The following PLPPR2 variants were observed in gnomAD, a reference collection of about 807,000 sequenced individuals.
PLPPR2 encodes phospholipid phosphatase-related protein type 2.
In PLPPR2, 11 loss-of-function variants were observed where a neutral mutation model predicts 40.3. The observed-to-expected ratio is 0.27, with a 90% CI of 0.17 to 0.45. PLPPR2 has a LOEUF of 0.45. Among genes scored for constraint, PLPPR2 ranks in the 20% least tolerant of loss-of-function variants. The pLI, the probability that PLPPR2 is intolerant of heterozygous loss-of-function variation, is 1.00. For missense variants in PLPPR2, 497 were observed against 640.7 expected (o/e 0.78, Z 2.42); for synonymous variants, 260 against 290.8 (o/e 0.89, Z 1.08).
Position 11,361,736 on chromosome 19 carries a change from T to C in PLPPR2, c.663+248T>C, listed in dbSNP as rs1278001371. 6.6e-6 allele frequency among the ~76,000 whole-genome samples: 1 copy of C among 151,806 alleles called. No individual in the cohort carries two copies. Among genetic ancestry groups the C allele is most frequent in the Non-Finnish European group, 1.5e-5 (1 of 67,914 alleles). ...CCTCTGGCCACGCCTCCTGAGCCAG[T>C]AATGCGAGGGAAACTGTTGGCTCTA... is the stretch of plus-strand genomic sequence containing the variant. On this transcript the variant is annotated intron_variant, in intron 6 of 9. Transcript: ENST00000688289. The surrounding 1 kb of genome is among the most constrained non-coding windows in gnomAD (Gnocchi z 6.3).
chr19:11,360,020 A>G, intron 5 of PLPPR2, 64 bp downstream of exon 5: 1 of 1,514,434 alleles, frequency 6.6e-7, no homozygotes, highest in Non-Finnish European at 8.8e-7. Context: ...AGAAGAAAAG[A>G]GTCATGGGCC....
rs535048482 is a variant in PLPPR2, at chr19:11,364,742, G to A, written c.*52G>A. ...CCAGTCCCCACTTCTTCCCTGCCAC[G>A]CGTGTGTGTGCGTGTGCCACGTGAG... On this transcript the variant is annotated 3_prime_UTR_variant, in exon 10 of 10. Coordinates refer to ENST00000688289, the MANE Select transcript of PLPPR2 (RefSeq NM_001393892.1). The surrounding 1 kb of genome is among the most constrained non-coding windows in gnomAD (Gnocchi z 5.8). 13 of 1,527,054 alleles carry A rather than the reference G, an allele frequency of 8.5e-6. No homozygotes were observed. The East Asian group carries it at 2.2e-4, about 26-fold the overall frequency. The allele number at this position is 1,527,054 out of a possible 1,614,324, so 94.6% of individuals were successfully genotyped here.
rs762282938 is a variant in PLPPR2, at chr19:11,362,730, A to C, written c.840+41A>C. 6.3e-7 allele frequency: 1 copy of C among 1,585,346 alleles called. No individual in the cohort carries two copies. Among genetic ancestry groups the C allele is most frequent in the Admixed American group, 1.7e-5 (1 of 58,852 alleles). ...AACCTTCCCAGCATGGAAGACCCTCACCAGCTCTCTGACCCAAGAGGCAGG... is the reference window on the plus strand; with the variant it reads ...AACCTTCCCAGCATGGAAGACCCTCCCCAGCTCTCTGACCCAAGAGGCAGG... On this transcript the variant is annotated intron_variant, in intron 7 of 9. Transcript: ENST00000688289. The surrounding 1 kb of genome is among the most constrained non-coding windows in gnomAD (Gnocchi z 5.3).
chr19:11,359,898 C>T lies in PLPPR2; in HGVS notation c.333C>T (p.Ile111=), dbSNP rs772011000. ...TCCCAGTCATCGGGGAGAGCACCAT[C>T]GTGTCTGGGGCCTGCTGCCGCTTCA... is the stretch of plus-strand genomic sequence containing the variant. ...SAVPVIGEST[I]VSGACCRFSP... Residue 111 remains isoleucine (I), a synonymous_variant, in exon 5 of 10, where the codon ATC becomes ATT. Coordinates refer to ENST00000688289, the MANE Select transcript of PLPPR2 (RefSeq NM_001393892.1). The surrounding 1 kb of genome is among the most constrained non-coding windows in gnomAD (Gnocchi z 5.6). The T allele has an allele frequency of 8.1e-6, 13 of 1,613,700 alleles. No individual in the cohort carries two copies. Among genetic ancestry groups the T allele is most frequent in the South Asian group, 7.7e-5 (7 of 91,040 alleles).
Position 11,357,649 on chromosome 19 carries a change from C to A in PLPPR2, c.-14-11C>A. 1 of 1,589,246 alleles carries A rather than the reference C, an allele frequency of 6.3e-7. No individual in the cohort carries two copies. The highest frequency in any genetic ancestry group is 8.6e-7 in the Non-Finnish European group (1 of 1,167,324). ...CCCCCTGGGACTCCCACTCCCTCCC[C>A]ACCTCTGCAGGCCTGGCCTTCACCA... On this transcript the variant is annotated splice_polypyrimidine_tract_variant and intron_variant, in intron 2 of 9. Transcript: ENST00000688289.
chr19:11,364,760 C>T lies in PLPPR2; in HGVS notation c.*70C>T, dbSNP rs1020273297. 3 of 1,508,426 alleles carry T rather than the reference C, an allele frequency of 2.0e-6. No individual in the cohort carries two copies. Among genetic ancestry groups the T allele is most frequent in the Non-Finnish European group, 2.7e-6 (3 of 1,125,044 alleles). The allele number at this position is 1,508,426 out of a possible 1,614,324, so 93.4% of individuals were successfully genotyped here. ...CTGCCACGCGTGTGTGTGCGTGTGC[C>T]ACGTGAGTGCCAAAGTCCCCTGCCC... On this transcript the variant is annotated 3_prime_UTR_variant, in exon 10 of 10. Transcript: ENST00000688289. The surrounding 1 kb of genome is among the most constrained non-coding windows in gnomAD (Gnocchi z 5.8).
chr19:11,357,888 G>C, intron 3 of PLPPR2, 149 bp downstream of exon 3: 1 of 612,504 alleles, frequency 1.6e-6, no homozygotes, highest in Non-Finnish European at 2.7e-6. Context: ...CTTAGATTCA[G>C]AAGTGCCACT....
Position 11,362,847 on chromosome 19 carries a change from A to T in PLPPR2, c.840+158A>T, listed in dbSNP as rs889736355. ...TGGATATTCTCATCTGTGAAATGAG[A>T]TACCAGGATCAGGGTGAGGCAAGGC... is the stretch of plus-strand genomic sequence containing the variant. On this transcript the variant is annotated intron_variant, in intron 7 of 9. Coordinates refer to ENST00000688289, the MANE Select transcript of PLPPR2 (RefSeq NM_001393892.1). The surrounding 1 kb of genome is among the most constrained non-coding windows in gnomAD (Gnocchi z 5.3). Among the ~76,000 whole-genome samples, 1 of 152,238 alleles carries T rather than the reference A, an allele frequency of 6.6e-6. No individual in the cohort carries two copies. The highest frequency in any genetic ancestry group is 2.4e-5 in the African/African-American group (1 of 41,472).
chr19:11,357,388 C>T (rs371300424), intron 2 of PLPPR2, among the ~76,000 whole-genome samples: 7 of 152,140 alleles, frequency 4.6e-5, no homozygotes, highest in African/African-American at 1.4e-4. Context: ...TCAGAGCCTC[C>T]CATGTAGGCT....
In PLPPR2 at chr19:11,364,131, T is replaced by C. The variant is rs752746819; in HGVS notation, c.964-30T>C. 1.4e-5 allele frequency: 23 copies of C among 1,599,966 alleles called. No homozygotes were observed. The East Asian group carries it at 4.9e-4, about 34-fold the overall frequency. On this transcript the variant is annotated intron_variant, in intron 8 of 9. Coordinates refer to ENST00000688289, the MANE Select transcript of PLPPR2 (RefSeq NM_001393892.1). This position sits in a 1 kb window ranked among gnomAD's most constrained non-coding sequence, Gnocchi z 5.8. ...TGGCCGGTAGGGCCCAGGGGGCCAC[T>C]AGCCCCTTCCGTCTGTCTCTTTGTC...
intron 1 of PLPPR2, among the ~76,000 whole-genome samples, chr19:11,356,238 A>AGT (rs986443821): frequency 3.6e-4 from 54 of 150,420 alleles, no homozygotes; most frequent in Admixed American, 3.5e-3. Context: ...AGAGACTGTT[A>AGT]GTGTGTGTGT....
In PLPPR2 at chr19:11,363,881, G is replaced by A; in HGVS notation, c.963+46G>A. 6.3e-7 allele frequency: 1 copy of A among 1,589,366 alleles called. No homozygotes were observed. Among genetic ancestry groups the A allele is most frequent in the Non-Finnish European group, 8.6e-7 (1 of 1,166,406 alleles). On this transcript the variant is annotated intron_variant, in intron 8 of 9. Coordinates refer to ENST00000688289, the MANE Select transcript of PLPPR2 (RefSeq NM_001393892.1). The surrounding 1 kb of genome is among the most constrained non-coding windows in gnomAD (Gnocchi z 4.8). ...CTCCCGGCTGGAGAGGGTGGTGGGT[G>A]GAGGGGGCCAAGGAGACAGGAAGGA...
At position 11,362,366 on chromosome 19, in the gene PLPPR2, TGGGAGCCCATGACTCCAACCCTGG is replaced by T; in HGVS notation, c.664-146_664-123del. The T allele has an allele frequency of 1.4e-6, 1 of 709,482 alleles. No homozygotes were observed. The highest frequency in any genetic ancestry group is 2.2e-6 in the Non-Finnish European group (1 of 456,120). The allele number at this position is 709,482 out of a possible 1,614,324, so 43.9% of individuals were successfully genotyped here. On this transcript the variant is annotated intron_variant, in intron 6 of 9. Coordinates refer to ENST00000688289, the MANE Select transcript of PLPPR2 (RefSeq NM_001393892.1). This position sits in a 1 kb window ranked among gnomAD's most constrained non-coding sequence, Gnocchi z 5.3. The stretch of plus-strand genomic sequence containing the variant: ...GGTCACGCTCCCTGGAAAAGCCCAC[TGGGAGCCCATGACTCCAACCCTGG>T]AGCCCCTGGCCACTCCCTCCAGCCC...
At position 11,362,717 on chromosome 19, in the gene PLPPR2, A is replaced by C; in HGVS notation, c.840+28A>C. ...GAGTTGCCTCCTCAACCTTCCCAGC[A>C]TGGAAGACCCTCACCAGCTCTCTGA... On this transcript the variant is annotated intron_variant, in intron 7 of 9. Coordinates refer to ENST00000688289, the MANE Select transcript of PLPPR2 (RefSeq NM_001393892.1). This position sits in a 1 kb window ranked among gnomAD's most constrained non-coding sequence, Gnocchi z 5.3. 6.3e-7 allele frequency: 1 copy of C among 1,598,166 alleles called. No individual in the cohort carries two copies. The highest frequency in any genetic ancestry group is 1.3e-5 in the African/African-American group (1 of 74,914).
In PLPPR2 at chr19:11,359,459, C is replaced by T; in HGVS notation, c.67-73C>T. ...TTTCTCCATCTCTGTATCTCTGCCT[C>T]TGTGGCCTCAGCTGGAGTCCTGACC... On this transcript the variant is annotated intron_variant, in intron 3 of 9. Coordinates refer to ENST00000688289, the MANE Select transcript of PLPPR2 (RefSeq NM_001393892.1). The surrounding 1 kb of genome is among the most constrained non-coding windows in gnomAD (Gnocchi z 5.6). 2 of 1,390,838 alleles carry T rather than the reference C, an allele frequency of 1.4e-6. No individual in the cohort carries two copies. The highest frequency in any genetic ancestry group is 1.9e-6 in the Non-Finnish European group (2 of 1,041,364). 86.2% of individuals were successfully genotyped at this position (1,390,838 alleles called of 1,614,324 possible).
In PLPPR2 at chr19:11,363,354, G is replaced by A. The variant is rs1048120994; in HGVS notation, c.841-359G>A. Among the ~76,000 whole-genome samples the A allele has an allele frequency of 6.6e-6, 1 of 152,072 alleles. No homozygotes were observed. The highest frequency in any genetic ancestry group is 2.4e-5 in the African/African-American group (1 of 41,404). ...GGTCCCAGCTACTCAGGAGGCTGAG[G>A]CAAGAGAGTTGCTTGAATCCAGGAG... is the stretch of plus-strand genomic sequence containing the variant. On this transcript the variant is annotated intron_variant, in intron 7 of 9. Coordinates refer to ENST00000688289, the MANE Select transcript of PLPPR2 (RefSeq NM_001393892.1). This position sits in a 1 kb window ranked among gnomAD's most constrained non-coding sequence, Gnocchi z 4.8.
At chr19:11,360,849 G>A (rs375232227) in intron 5 of PLPPR2, among the ~76,000 whole-genome samples, 1 of 152,130 alleles carries the variant, frequency 6.6e-6, no homozygotes. Flanking sequence ...CAGTTTAGGG[G>A]CAGGCAGGAA....
In PLPPR2 at chr19:11,361,464, C is replaced by A. The variant is rs1366791038; in HGVS notation, c.639C>A (p.Cys213Ter). Residue 213 changes from cysteine to a stop codon, truncating the protein, a stop_gained, in exon 6 of 10, where the codon TGC becomes TGA. Coordinates refer to ENST00000688289, the MANE Select transcript of PLPPR2 (RefSeq NM_001393892.1). LOFTEE classifies it high-confidence loss of function. This position sits in a 1 kb window ranked among gnomAD's most constrained non-coding sequence, Gnocchi z 6.3. Reference sequence around the variant, plus strand: ...TCCCCTGCAAGGATGCGGCCCTCTGCGCCTACGCGGTCACCTACACAGCGG... The same window carrying A: ...TCCCCTGCAAGGATGCGGCCCTCTGAGCCTACGCGGTCACCTACACAGCGG... ...RAFPCKDAAL[C>*]AYAVTYTAMY... 6.2e-7 allele frequency: 1 copy of A among 1,601,608 alleles called. No homozygotes were observed.
intron 3 of PLPPR2, among the ~76,000 whole-genome samples, chr19:11,358,530 C>T (rs1168164184): frequency 6.6e-6 from 1 of 152,068 alleles, no homozygotes; most frequent in Non-Finnish European, 1.5e-5. Flanking sequence ...CTCATTTGAG[C>T]CTTGGCCCTA....
Sources: allele counts gnomAD v4.1 joint callset (sites outside exome capture counted in the v4.1 genomes callset), GRCh38; gene constraint gnomAD v4.1.1; non-coding constraint Gnocchi (gnomAD v3.1); transcripts MANE v1.5; gene names NCBI Gene and HGNC (gene_info 2026-07-23, HGNC 2026-07-21).